The following LEF1 variants were observed in gnomAD, a reference collection of about 807,000 sequenced individuals.
The protein encoded by LEF1 is lymphoid enhancer binding factor 1, also known as lymphoid enhancer-binding factor 1.
LEF1 carries 14 observed loss-of-function variants against 51.2 expected under a neutral mutation model. The ratio of observed to expected loss-of-function variants is 0.27; its 90% CI spans 0.18 to 0.43. LEF1 has a LOEUF of 0.43. LEF1 is among the 20% of genes least tolerant of loss of function. The pLI, the probability that LEF1 is intolerant of heterozygous loss-of-function variation, is 1.00. For missense variants in LEF1, 386 were observed against 512.0 expected, an observed-to-expected ratio of 0.75 and a Z score of 2.37; for synonymous variants, 185 against 183.2, an observed-to-expected ratio of 1.01 and a Z score of -0.08.
At chr4:108,060,396 A>G (rs1410338411) in intron 11 of LEF1, among the ~76,000 whole-genome samples, 1 of 152,232 alleles carries the variant, frequency 6.6e-6, no homozygotes, top group Admixed American at 6.5e-5. Flanking sequence ...AGAGACAGAC[A>G]GGGATCTCAG....
intron 3 of LEF1, among the ~76,000 whole-genome samples, chr4:108,153,259 C>T (rs527693009): frequency 6.6e-6 from 1 of 152,222 alleles, no homozygotes; most frequent in Non-Finnish European, 1.5e-5. Context: ...ATCTCCAGTT[C>T]TACAGGATGT....
chr4:108,048,795 T>A (rs1736786286), intron 11 of LEF1, 44 bp from the exon 12 acceptor site: 1 of 1,436,766 alleles, frequency 7.0e-7, no homozygotes, highest in African/African-American at 1.4e-5. Flanking sequence ...GAATTTGCCG[T>A]AGGCCTTAAG....
intron 1 of LEF1, chr4:108,166,243 GC>G: frequency 1.3e-6 from 2 of 1,534,630 alleles, no homozygotes; most frequent in South Asian, 1.2e-5. Flanking sequence ...CTGAACGCAG[GC>G]CCCCAGCCTT....
At chr4:108,089,297 C>T in intron 3 of LEF1, 40 bp from the exon 4 acceptor site, 1 of 1,593,126 alleles carries the variant, frequency 6.3e-7, no homozygotes. Flanking sequence ...ATATGGATGC[C>T]CAGCTCCAGT....
At chr4:108,076,218 T>C (rs1474010848) in intron 8 of LEF1, among the ~76,000 whole-genome samples, 1 of 152,210 alleles carries the variant, frequency 6.6e-6, no homozygotes, top group East Asian at 1.9e-4. Context: ...ATTCACAGTA[T>C]TTATCATAAT....
At chr4:108,109,357 C>T (rs1171262890) in intron 3 of LEF1, among the ~76,000 whole-genome samples, 2 of 152,144 alleles carry the variant, frequency 1.3e-5, no homozygotes, top group Non-Finnish European at 2.9e-5. Context: ...GAAAAAGGGA[C>T]AAGTTGTTTT....
At chr4:108,060,400 A>G (rs976673952) in intron 11 of LEF1, among the ~76,000 whole-genome samples, 2 of 152,188 alleles carry the variant, frequency 1.3e-5, no homozygotes, top group African/African-American at 4.8e-5. Flanking sequence ...ACAGACAGGG[A>G]TCTCAGAGGA....
At chr4:108,165,758 A>G (rs1745346734) in intron 1 of LEF1, among the ~76,000 whole-genome samples, 1 of 152,176 alleles carries the variant, frequency 6.6e-6, no homozygotes, top group East Asian at 1.9e-4. Context: ...GGTTAAAGGG[A>G]GGAAAATTAG....
chr4:108,167,922 G>A lies in LEF1; in HGVS notation c.-155C>T, dbSNP rs1745520379. The A allele has an allele frequency of 1.5e-5, 7 of 459,976 alleles. No individual in the cohort carries two copies. The East Asian group carries it at 2.6e-4, about 17-fold the overall frequency. 28.5% of individuals were successfully genotyped at this position (459,976 alleles called of 1,614,324 possible). A position where few individuals can be genotyped will look rare whatever the true frequency, so the allele number is the denominator to read the frequency against. ...AAGCGGGGCGGGCGAGCGCGGGGCC[G>A]CCGGCCGGCAGCCGGAGCAGCTGCC... On this transcript the variant is annotated 5_prime_UTR_variant, in exon 1 of 12. Coordinates refer to ENST00000265165, the MANE Select transcript of LEF1 (RefSeq NM_016269.5). This position sits in a 1 kb window ranked among gnomAD's most constrained non-coding sequence, Gnocchi z 5.7.
intron 3 of LEF1, among the ~76,000 whole-genome samples, chr4:108,105,560 C>T (rs1050509855): frequency 2.0e-5 from 3 of 152,112 alleles, no homozygotes; most frequent in African/African-American, 7.2e-5. Flanking sequence ...CTTTGAATTT[C>T]AAAAATTGTT....
At chr4:108,152,542 G>C (rs1048637739) in intron 3 of LEF1, among the ~76,000 whole-genome samples, 2 of 152,214 alleles carry the variant, frequency 1.3e-5, no homozygotes, top group African/African-American at 4.8e-5. Flanking sequence ...TAAGCTTGGG[G>C]CCAAAGGGCC....
chr4:108,064,513 A>ATCTC (rs1737919262), intron 9 of LEF1, 129 bp from the exon 10 acceptor site: 4 of 628,464 alleles, frequency 6.4e-6, no homozygotes, highest in African/African-American at 3.7e-5. Context: ...CCTCTTCACC[A>ATCTC]TCTCTATCTA....
chr4:108,049,202 C>T (rs935015252), intron 11 of LEF1, among the ~76,000 whole-genome samples: 4 of 152,200 alleles, frequency 2.6e-5, no homozygotes, highest in Non-Finnish European at 5.9e-5. Flanking sequence ...CATTACCCAA[C>T]GCACTGCCAA....
chr4:108,130,125 T>C (rs1008458893), intron 3 of LEF1, among the ~76,000 whole-genome samples: 1 of 152,072 alleles, frequency 6.6e-6, no homozygotes, highest in African/African-American at 2.4e-5. Context: ...AGTTTTAGGG[T>C]GAGCTAAAAT....
At chr4:108,133,021 T>C (rs986359203) in intron 3 of LEF1, among the ~76,000 whole-genome samples, 2 of 152,062 alleles carry the variant, frequency 1.3e-5, no homozygotes, top group African/African-American at 4.8e-5. Context: ...TCGCCCAGGC[T>C]GGAGTGCAGT....
intron 9 of LEF1, among the ~76,000 whole-genome samples, chr4:108,066,156 G>C (rs965806639): frequency 6.6e-5 from 10 of 152,170 alleles, no homozygotes; most frequent in African/African-American, 2.4e-4. Flanking sequence ...GCCCCTATAA[G>C]TGGGGCTTCT....
chr4:108,111,745 CTACAAAAAAA>C (rs1443156316), intron 3 of LEF1, among the ~76,000 whole-genome samples: 1 of 152,066 alleles, frequency 6.6e-6, no homozygotes, highest in Non-Finnish European at 1.5e-5. Context: ...AACTCTGTCT[CTACAAAAAAA>C]TACAAAAAAA....
At chr4:108,106,244 T>C (rs1194601848) in intron 3 of LEF1, among the ~76,000 whole-genome samples, 1 of 152,214 alleles carries the variant, frequency 6.6e-6, no homozygotes, top group Non-Finnish European at 1.5e-5. Context: ...CTCATCACTA[T>C]TCCCAAGAAA....
intron 3 of LEF1, among the ~76,000 whole-genome samples, chr4:108,148,084 A>C (rs1190295818): frequency 6.6e-6 from 1 of 152,210 alleles, no homozygotes; most frequent in Non-Finnish European, 1.5e-5. Context: ...GGTACTAAAT[A>C]AACAGTGACA....
Sources: allele counts gnomAD v4.1 joint callset (sites outside exome capture counted in the v4.1 genomes callset), GRCh38; gene constraint gnomAD v4.1.1; non-coding constraint Gnocchi (gnomAD v3.1); transcripts MANE v1.5; gene names NCBI Gene and HGNC (gene_info 2026-07-23, HGNC 2026-07-21).